CPNE8: variants seen among roughly 807,000 people sequenced by gnomAD.
CPNE8 encodes the protein copine-8.
A neutral mutation model predicts 81.5 loss-of-function variants in CPNE8; 45 were observed. The ratio of observed to expected loss-of-function variants is 0.55; its 90% CI spans 0.44 to 0.71. The LOEUF (loss-of-function observed/expected upper bound fraction) is 0.71. Ranked by LOEUF, CPNE8 falls within the 30% of genes least tolerant of loss-of-function variation. The pLI is 0.00. For missense variants in CPNE8, 594 were observed against 672.1 expected, an observed-to-expected ratio of 0.88 and a Z score of 1.28; for synonymous variants, 252 against 226.3, an observed-to-expected ratio of 1.11 and a Z score of -1.02.
intron 6 of CPNE8, among the ~76,000 whole-genome samples, chr12:38,797,310 G>A (rs537089447): frequency 6.6e-6 from 1 of 152,246 alleles, no homozygotes; most frequent in South Asian, 2.1e-4. Context: ...AGTAGGGGCA[G>A]ACTGACACCT....
rs555380407 is a variant in CPNE8, at chr12:38,705,638, G to A, written c.915-2717C>T. Among the ~76,000 whole-genome samples, 10 of 152,240 alleles carry A rather than the reference G, an allele frequency of 6.6e-5. No individual in the cohort carries two copies. The South Asian group carries it at 2.1e-3, about 32-fold the overall frequency. ...TTTTCAGATAAAAGCCCCTTTGAGG[G>A]ATTGAAAAGAACAATCACCATCAGC... On this transcript the variant is annotated intron_variant, in intron 13 of 19. Coordinates refer to ENST00000331366, the MANE Select transcript of CPNE8 (RefSeq NM_153634.3).
chr12:38,892,869 G>C (rs746303545), intron 1 of CPNE8, among the ~76,000 whole-genome samples: 1 of 152,138 alleles, frequency 6.6e-6, no homozygotes, highest in Non-Finnish European at 1.5e-5. Flanking sequence ...AATACAGTTT[G>C]TTATAGATTT....
At chr12:38,819,818 CCAAA>C in intron 6 of CPNE8, among the ~76,000 whole-genome samples, 1 of 150,144 alleles carries the variant, frequency 6.7e-6, no homozygotes, top group Non-Finnish European at 1.5e-5. Context: ...AATGTTCCTT[CCAAA>C]CACTCATTTT....
At chr12:38,876,156 A>G (rs1203395950) in intron 1 of CPNE8, among the ~76,000 whole-genome samples, 1 of 152,220 alleles carries the variant, frequency 6.6e-6, no homozygotes, top group Non-Finnish European at 1.5e-5. Flanking sequence ...AAAAAAATAA[A>G]CTACAAGTTT....
intron 10 of CPNE8, among the ~76,000 whole-genome samples, chr12:38,732,746 T>C (rs1269530709): frequency 1.3e-5 from 2 of 151,984 alleles, no homozygotes; most frequent in East Asian, 3.9e-4. Flanking sequence ...CCAGCCAATT[T>C]AGTTTACTCT....
chr12:38,905,655 G>C, upstream of CPNE8: 1 of 1,491,142 alleles, frequency 6.7e-7, no homozygotes, highest in South Asian at 1.3e-5. Context: ...GGAGGCGGAG[G>C]CAGCGCGCGG....
At chr12:38,803,407 C>G (rs1317593377) in intron 6 of CPNE8, among the ~76,000 whole-genome samples, 2 of 149,470 alleles carry the variant, frequency 1.3e-5, no homozygotes, top group Non-Finnish European at 1.5e-5. Context: ...AGACAAAAAC[C>G]ACATGATTAT....
At chr12:38,834,315 G>T (rs1189617149) in intron 5 of CPNE8, among the ~76,000 whole-genome samples, 2 of 152,058 alleles carry the variant, frequency 1.3e-5, no homozygotes, top group South Asian at 2.1e-4. Flanking sequence ...CTTACTGGGG[G>T]TCTCAAATTT....
chr12:38,714,327 A>G (rs1336688534), intron 13 of CPNE8, among the ~76,000 whole-genome samples: 1 of 152,126 alleles, frequency 6.6e-6, no homozygotes, highest in Non-Finnish European at 1.5e-5. Context: ...GAAGTATTCA[A>G]TGCCAAAGGT....
At chr12:38,904,480 T>G (rs964713234) in intron 1 of CPNE8, among the ~76,000 whole-genome samples, 10 of 150,770 alleles carry the variant, frequency 6.6e-5, no homozygotes, top group South Asian at 2.1e-4. Context: ...GTTTTTTTTT[T>G]TTTTTTGAGA....
chr12:38,816,872 A>G (rs1176763514), intron 6 of CPNE8, among the ~76,000 whole-genome samples: 1 of 152,218 alleles, frequency 6.6e-6, no homozygotes, highest in Non-Finnish European at 1.5e-5. Flanking sequence ...TATTGTTGTT[A>G]TCAAAGAAAA....
At chr12:38,726,172 G>A (rs1940692041) in intron 11 of CPNE8, among the ~76,000 whole-genome samples, 1 of 149,938 alleles carries the variant, frequency 6.7e-6, no homozygotes, top group African/African-American at 2.4e-5. Flanking sequence ...TGTAAGGGGA[G>A]AAAATGAAGG....
At chr12:38,771,919 T>A (rs1193066557) in intron 7 of CPNE8, among the ~76,000 whole-genome samples, 1 of 152,182 alleles carries the variant, frequency 6.6e-6, no homozygotes, top group African/African-American at 2.4e-5. Context: ...TATGACTTGT[T>A]TGTCCCTACC....
chr12:38,764,616 CAAAAAAAAAAAAAAA>C (rs1247038606), intron 8 of CPNE8, among the ~76,000 whole-genome samples: 1 of 45,094 alleles, frequency 2.2e-5, no homozygotes, highest in Admixed American at 2.3e-4. Flanking sequence ...GACTCCGTCT[CAAAAAAAAAAAAAAA>C]AAAAAAAAGA....
intron 6 of CPNE8, among the ~76,000 whole-genome samples, chr12:38,788,415 A>T (rs910220746): frequency 1.3e-5 from 2 of 151,900 alleles, no homozygotes; most frequent in Admixed American, 1.3e-4. Context: ...ACATCTCTTC[A>T]TCAAAAAAAC....
intron 5 of CPNE8, 39 bp from the exon 6 acceptor site, chr12:38,829,494 A>G (rs1448853603): frequency 7.2e-7 from 1 of 1,395,914 alleles, no homozygotes; most frequent in Non-Finnish European, 1.0e-6. Context: ...TAAGTTTCCA[A>G]ACTATCTTTA....
chr12:38,667,005 G>A (rs914694003), intron 19 of CPNE8, among the ~76,000 whole-genome samples: 16 of 152,010 alleles, frequency 1.1e-4, no homozygotes, highest in African/African-American at 2.2e-4. Context: ...GTTAAATATC[G>A]TTATACAAAA....
At chr12:38,752,976 T>C (rs2136827349) in intron 10 of CPNE8, among the ~76,000 whole-genome samples, 1 of 152,252 alleles carries the variant, frequency 6.6e-6, no homozygotes, top group African/African-American at 2.4e-5. Context: ...GATTCCTGAA[T>C]ATAAAATCTA....
At chr12:38,660,622 T>A (rs1938930525) in intron 19 of CPNE8, among the ~76,000 whole-genome samples, 2 of 152,162 alleles carry the variant, frequency 1.3e-5, no homozygotes, top group Admixed American at 1.3e-4. Context: ...AAATGGGATC[T>A]AATTAAACTA....
Sources: allele counts gnomAD v4.1 joint callset (sites outside exome capture counted in the v4.1 genomes callset), GRCh38; gene constraint gnomAD v4.1.1; transcripts MANE v1.5; gene names NCBI Gene and HGNC (gene_info 2026-07-23, HGNC 2026-07-21).